GATAD2A: variants seen among roughly 807,000 people sequenced by gnomAD.
The protein encoded by GATAD2A is transcriptional repressor p66-alpha.
Under a neutral mutation model 68.5 loss-of-function variants are expected in GATAD2A, and 12 were observed. That is an observed-to-expected ratio of 0.18 (90% CI 0.11 to 0.28). The LOEUF is 0.28. GATAD2A is among the 10% of genes least tolerant of loss of function. The pLI is 1.00. For missense variants in GATAD2A, 755 were observed against 868.5 expected (o/e 0.87, Z 1.64); for synonymous variants, 410 against 375.3 (o/e 1.09, Z -1.07).
At chr19:19,441,683 T>C (rs954554660) in intron 1 of GATAD2A, 1 of 175,620 alleles carries the variant, frequency 5.7e-6, no homozygotes, top group South Asian at 8.0e-5. Context: ...TGCCTCAGCC[T>C]CCCCAACAGT....
At chr19:19,494,650 G>A (rs1467233080) in intron 5 of GATAD2A, among the ~76,000 whole-genome samples, 1 of 152,220 alleles carries the variant, frequency 6.6e-6, no homozygotes, top group Non-Finnish European at 1.5e-5. Flanking sequence ...TCCAGTGAGC[G>A]CCCCTAGCAA....
chr19:19,439,673 C>A (rs1210513792), intron 1 of GATAD2A, among the ~76,000 whole-genome samples: 1 of 152,032 alleles, frequency 6.6e-6, no homozygotes, highest in Non-Finnish European at 1.5e-5. Context: ...CATGGTGAAA[C>A]CCCATCTTTA....
chr19:19,426,386 C>G (rs544659084), intron 1 of GATAD2A, among the ~76,000 whole-genome samples: 5 of 152,268 alleles, frequency 3.3e-5, no homozygotes, highest in African/African-American at 2.4e-5. Flanking sequence ...AGGCTAGAGT[C>G]CCCGGGAGGT....
chr19:19,495,784 A>G lies in GATAD2A; in HGVS notation c.655A>G (p.Ile219Val), dbSNP rs759227480. Residue 219 changes from isoleucine to valine, a missense_variant, in exon 6 of 12, where the codon ATA (isoleucine) becomes GTA (valine). Coordinates refer to ENST00000683918, the MANE Select transcript of GATAD2A (RefSeq NM_001384528.1). ...TTCAGCTCGGATGCCCGGCAGTGTC[A>G]TACCCCCGCCCCTGGTCCGAGGTGG... ...TSSARMPGSV[I>V]PPPLVRGGQQ... The G allele has an allele frequency of 1.5e-5, 24 of 1,613,356 alleles. No homozygotes were observed. Among genetic ancestry groups the G allele is most frequent in the Non-Finnish European group, 1.7e-5 (20 of 1,179,624 alleles).
chr19:19,492,142 AAGG>A (rs1366837497), intron 2 of GATAD2A, among the ~76,000 whole-genome samples, 161 bp from the exon 3 acceptor site: 1 of 152,166 alleles, frequency 6.6e-6, no homozygotes, highest in African/African-American at 2.4e-5. Flanking sequence ...GGGTAAGAAG[AAGG>A]AGGCAGCCTG....
intron 1 of GATAD2A, among the ~76,000 whole-genome samples, chr19:19,425,096 A>C (rs1004287058): frequency 6.6e-6 from 1 of 152,030 alleles, no homozygotes; most frequent in African/African-American, 2.4e-5. Context: ...ACTTGAGAAA[A>C]CTTGCCATAA....
chr19:19,444,926 G>T (rs1251221616), intron 1 of GATAD2A, among the ~76,000 whole-genome samples: 1 of 150,960 alleles, frequency 6.6e-6, no homozygotes, highest in African/African-American at 2.4e-5. Flanking sequence ...TGGATTTTAG[G>T]CAGTGTAGGG....
At chr19:19,396,948 C>T (rs541509111) in intron 1 of GATAD2A, among the ~76,000 whole-genome samples, 2 of 152,252 alleles carry the variant, frequency 1.3e-5, no homozygotes, top group African/African-American at 4.8e-5. Flanking sequence ...ACCTCGTAAT[C>T]TGCCCAACTC....
intron 1 of GATAD2A, among the ~76,000 whole-genome samples, chr19:19,438,045 T>TA (rs1175285291): frequency 1.3e-5 from 2 of 152,196 alleles, no homozygotes; most frequent in East Asian, 1.9e-4. Flanking sequence ...CCCTGACACT[T>TA]ACACAGGGCT....
In GATAD2A at chr19:19,387,468, C is replaced by T. The variant is rs556592340; in HGVS notation, c.-7+1330C>T. 2.0e-5 allele frequency among the ~76,000 whole-genome samples: 3 copies of T among 152,090 alleles called. No homozygotes were observed. The South Asian group carries it at 6.2e-4, about 32-fold the overall frequency. On this transcript the variant is annotated intron_variant, in intron 1 of 11. Coordinates refer to the GATAD2A transcript ENST00000360315. ...CTGAGTAGCTGGGACTACAGGCACC[C>T]ACCACCATGCCTGGCTAATTTTTGT...
chr19:19,423,886 A>C (rs2147304432), intron 1 of GATAD2A, among the ~76,000 whole-genome samples: 1 of 152,160 alleles, frequency 6.6e-6, no homozygotes, highest in African/African-American at 2.4e-5. Context: ...CTGGATTCGG[A>C]TCTAGGTGGA....
chr19:19,461,132 A>G (rs2057394762), intron 1 of GATAD2A, among the ~76,000 whole-genome samples: 1 of 152,042 alleles, frequency 6.6e-6, no homozygotes, highest in African/African-American at 2.4e-5. Context: ...AGGCAGAAAG[A>G]CGCCTAAAAT....
In GATAD2A at chr19:19,430,976, G is replaced by GGGT. The variant is rs140794575; in HGVS notation, c.-7+24958_-7+24959insGTG. 6.7e-3 allele frequency among the ~76,000 whole-genome samples: 911 copies of GGGT among 136,760 alleles called. 13 individuals carry two copies. Among genetic ancestry groups the GGGT allele is most frequent in the African/African-American group, 0.024 (852 of 35,662 alleles). The allele number at this position is 136,760 out of a possible 152,430, so 89.7% of individuals were successfully genotyped here. ...GTGTTTGGGTGGGTTGTATGGTAGG[G>GGGT]GTGTGTGTGTGTGTGTGTGTGTGTG... On this transcript the variant is annotated intron_variant, in intron 1 of 11. Transcript: ENST00000683918.
chr19:19,427,332 A>T lies in GATAD2A; in HGVS notation c.-7+21313A>T, dbSNP rs536532474. ...AAAAAATGAACCTTTCTGAATTCAG[A>T]AATATTCTATACCTTTATGACAACA... On this transcript the variant is annotated intron_variant, in intron 1 of 11. Coordinates refer to ENST00000683918, the MANE Select transcript of GATAD2A (RefSeq NM_001384528.1). Among the ~76,000 whole-genome samples the T allele has an allele frequency of 9.2e-5, 14 of 152,258 alleles. No homozygotes were observed. In the South Asian group the frequency reaches 2.7e-3, roughly 29 times the overall value.
chr19:19,462,733 T>C (rs927386580), intron 1 of GATAD2A, among the ~76,000 whole-genome samples: 3 of 152,200 alleles, frequency 2.0e-5, no homozygotes, highest in Non-Finnish European at 4.4e-5. Context: ...TCAGAACCTC[T>C]GGGTAGCCTC....
intron 1 of GATAD2A, among the ~76,000 whole-genome samples, chr19:19,394,120 T>G (rs2049047646): frequency 6.6e-6 from 1 of 151,880 alleles, no homozygotes. Context: ...ACTCCTGAGC[T>G]CAAGCAATCC....
intron 7 of GATAD2A, among the ~76,000 whole-genome samples, chr19:19,497,311 G>T (rs1403857421): frequency 2.0e-5 from 3 of 152,222 alleles, no homozygotes; most frequent in Admixed American, 2.0e-4. Flanking sequence ...GGCCAGGCTG[G>T]CCCTGAACTC....
chr19:19,387,109 C>T (rs936019308), intron 1 of GATAD2A, among the ~76,000 whole-genome samples: 6 of 152,096 alleles, frequency 3.9e-5, no homozygotes, highest in African/African-American at 1.4e-4. Context: ...ACCCTATCCT[C>T]ACTCCTCTAA....
In GATAD2A at chr19:19,441,056, C is replaced by T. The variant is rs116134668; in HGVS notation, c.-6-24284C>T. ...CTTCCTTCTTTCCTTCCCTTCCTTC[C>T]GTTCCTTCCCTCCCCTCACTCTGTC... is the stretch of plus-strand genomic sequence containing the variant. On this transcript the variant is annotated intron_variant, in intron 1 of 11. Transcript: ENST00000683918. 8.7e-3 allele frequency among the ~76,000 whole-genome samples: 1,311 copies of T among 150,190 alleles called. 22 individuals carry two copies. Among genetic ancestry groups the T allele is most frequent in the African/African-American group, 0.03 (1,236 of 40,694 alleles).
Sources: gnomAD v4.1 joint callset for allele counts (sites outside exome capture counted in the v4.1 genomes callset) on GRCh38, gnomAD v4.1.1 for gene constraint, MANE v1.5 for transcripts, NCBI Gene and HGNC (gene_info 2026-07-23, HGNC 2026-07-21) for gene names.